EMC1: variants seen among roughly 807,000 people sequenced by gnomAD.
EMC1 encodes the protein KIAA0090.
A neutral mutation model predicts 128.8 loss-of-function variants in EMC1; 103 were observed. The observed-to-expected ratio is 0.80, with a 90% confidence interval of 0.68 to 0.94. The LOEUF (loss-of-function observed/expected upper bound fraction) is 0.94. Among genes scored for constraint, EMC1 ranks in the 40% least tolerant of loss-of-function variants. The probability of loss-of-function intolerance (pLI) is 0.00; values close to 1 mark genes in which losing one functional copy is unlikely to be tolerated. For missense variants in EMC1, 1,083 were observed against 1,250.6 expected, an observed-to-expected ratio of 0.87 and a Z score of 2.02; for synonymous variants, 442 against 490.4, an observed-to-expected ratio of 0.90 and a Z score of 1.30.
chr1:19,231,478 G>A, intron 15 of EMC1, 56 bp from the exon 16 acceptor site: 1 of 1,548,988 alleles, frequency 6.5e-7, no homozygotes, highest in East Asian at 2.3e-5. Flanking sequence ...AAATCCTAGG[G>A]ATAGACCTGA....
At chr1:19,235,858 A>G (rs997296123) in intron 12 of EMC1, among the ~76,000 whole-genome samples, 3 of 152,084 alleles carry the variant, frequency 2.0e-5, no homozygotes, top group Non-Finnish European at 2.9e-5. Context: ...ACGCCACTGT[A>G]CTCCAGACTG....
intron 2 of EMC1, chr1:19,244,556 C>A (rs143471979): frequency 6.3e-4 from 163 of 258,184 alleles, no homozygotes; most frequent in African/African-American, 3.3e-3. Context: ...GGAATCTAGG[C>A]ACACGCCACC....
In EMC1 at chr1:19,233,135, T is replaced by C. The variant is rs2093536839; in HGVS notation, c.1433A>G (p.Asp478Gly). ...ELEGEFGKKADGLLGMFLKRL... is the reference protein window; with the variant it reads ...ELEGEFGKKAGGLLGMFLKRL... Reference sequence around the variant, plus strand: ...TTTCAGGAACATCCCCAGCAAGCCATCTGGTGTAAAGGAAAAGTAACATAC... The same window carrying C: ...TTTCAGGAACATCCCCAGCAAGCCACCTGGTGTAAAGGAAAAGTAACATAC... Residue 478 changes from aspartate to glycine, a missense_variant and splice_region_variant, in exon 14 of 23, where the codon GAT becomes GGT. This residue lies in a region of EMC1 where 12 missense variants were observed against 34.2 expected (regional missense o/e 0.35). Coordinates refer to ENST00000477853, the MANE Select transcript of EMC1 (RefSeq NM_015047.3). 1 of 1,613,454 alleles carries C rather than the reference T, an allele frequency of 6.2e-7. No individual in the cohort carries two copies. Among genetic ancestry groups the C allele is most frequent in the Non-Finnish European group, 8.5e-7 (1 of 1,179,592 alleles).
intron 21 of EMC1, chr1:19,220,093 T>C (rs2093420001): frequency 9.9e-6 from 2 of 201,490 alleles, no homozygotes; most frequent in South Asian, 9.8e-5. Flanking sequence ...TCCTGTGTCT[T>C]TTCCTAGCTT....
At position 19,243,647 on chromosome 1, in the gene EMC1, C is replaced by A. The variant is rs756243435; in HGVS notation, c.347G>T (p.Gly116Val). 8.1e-6 allele frequency: 13 copies of A among 1,614,014 alleles called. No homozygotes were observed. The highest frequency in any genetic ancestry group is 1.7e-5 in the Admixed American group (1 of 60,000). The change falls in exon 4 of 23, where the codon GGC becomes GTC. Residue 116 changes from glycine to valine, a missense_variant. Physicochemically the swap from Gly to Val is moderately radical, Grantham distance 109. Around this residue, in one of 3 missense-constraint regions of EMC1, gnomAD observed 544 missense variants for 572.4 expected, o/e 0.95. Transcript: ENST00000477853. The stretch of plus-strand genomic sequence containing the variant: ...GTCCAGGGTTATCTCCCAGTTCAGG[C>A]CCCCGATGTTAGTCTCCCAGGAACG... ...IMRSWETNIG[G>V]LNWEITLDSG...
At chr1:19,248,084 T>A (rs1414529947) in intron 1 of EMC1, among the ~76,000 whole-genome samples, 1 of 151,358 alleles carries the variant, frequency 6.6e-6, no homozygotes, top group Non-Finnish European at 1.5e-5. Flanking sequence ...GCTCCATGGG[T>A]GTTACTGCTC....
In EMC1 at chr1:19,219,095, G is replaced by A; in HGVS notation, c.*208C>T. On this transcript the variant is annotated 3_prime_UTR_variant, in exon 23 of 23. Transcript: ENST00000477853. ...AGGAATCTCTGAGAGTGTCAGCTGA[G>A]AGAGTTCTGTCTCTCTCCATGTAGG... is the stretch of plus-strand genomic sequence containing the variant. 3 of 540,082 alleles carry A rather than the reference G, an allele frequency of 5.6e-6. No homozygotes were observed. Among genetic ancestry groups the A allele is most frequent in the Non-Finnish European group, 9.9e-6 (3 of 302,144 alleles). 33.5% of individuals were successfully genotyped at this position (540,082 alleles called of 1,614,324 possible).
chr1:19,228,881 G>A (rs1275665433), intron 17 of EMC1, among the ~76,000 whole-genome samples: 3 of 151,936 alleles, frequency 2.0e-5, no homozygotes, highest in South Asian at 2.1e-4. Flanking sequence ...GTGAAACCCC[G>A]TCTCTACTGA....
intron 7 of EMC1, 53 bp from the exon 8 acceptor site, chr1:19,240,038 C>CA: frequency 6.5e-7 from 1 of 1,535,728 alleles, no homozygotes; most frequent in Non-Finnish European, 8.8e-7. Context: ...ACTCCCTGAC[C>CA]CATCCCAGGC....
At chr1:19,237,976 G>C (rs1352653117) in intron 11 of EMC1, 41 bp downstream of exon 11, 1 of 1,604,574 alleles carries the variant, frequency 6.2e-7, no homozygotes, top group Non-Finnish European at 8.5e-7. Context: ...CATGTGCTGA[G>C]AAGCCCACAG....
At chr1:19,227,609 G>A (rs562277430) in intron 17 of EMC1, among the ~76,000 whole-genome samples, 159 bp from the exon 18 acceptor site, 110 of 152,356 alleles carry the variant, frequency 7.2e-4, no homozygotes, top group African/African-American at 2.5e-3. Flanking sequence ...GCTCATTCTT[G>A]TAATCCCAGC....
intron 1 of EMC1, among the ~76,000 whole-genome samples, chr1:19,246,507 G>A (rs943372714): frequency 1.3e-5 from 2 of 152,112 alleles, no homozygotes; most frequent in Non-Finnish European, 2.9e-5. Context: ...TCTCCACCAG[G>A]CACGGTGGCT....
intron 21 of EMC1, chr1:19,220,076 A>G (rs568422206): frequency 9.5e-5 from 20 of 209,588 alleles, no homozygotes; most frequent in Admixed American, 7.3e-4. Context: ...CTGAAACCTG[A>G]TTATCATCCT....
intron 1 of EMC1, among the ~76,000 whole-genome samples, chr1:19,245,396 G>A (rs1376457046): frequency 1.3e-5 from 2 of 151,962 alleles, no homozygotes; most frequent in African/African-American, 2.4e-5. Flanking sequence ...AGCTGAGATC[G>A]CACCATTGCA....
intron 13 of EMC1, 58 bp downstream of exon 13, chr1:19,235,072 G>A (rs891284577): frequency 1.1e-5 from 17 of 1,586,804 alleles, no homozygotes; most frequent in Non-Finnish European, 1.5e-5. Flanking sequence ...GTCTCTTGTG[G>A]TCATTTCCAG....
Position 19,240,459 on chromosome 1 carries a change from C to T in EMC1, c.637-13G>A, listed in dbSNP as rs1310234507. 2 of 1,613,550 alleles carry T rather than the reference C, an allele frequency of 1.2e-6. No homozygotes were observed. Among genetic ancestry groups the T allele is most frequent in the Non-Finnish European group, 1.7e-6 (2 of 1,179,810 alleles). ...TTGAAACCCTAACCTACAGAAAAGT[C>T]ATCGTTAACAGGAAGCTCGTGAAAG... On this transcript the variant is annotated splice_polypyrimidine_tract_variant and intron_variant, in intron 6 of 22. Transcript: ENST00000477853.
In EMC1 at chr1:19,235,218, G is replaced by A; in HGVS notation, c.1344C>T (p.Ser448=). ...GKVVLWSREE[S]LAEVVCLEMV... ...TCTCTAGGCACACCACTTCTGCCAG[G>A]GACTCCTCACGGCTCCACAGCACCA... Residue 448 remains serine, a synonymous_variant, in exon 13 of 23, where the codon TCC becomes TCT. Coordinates refer to ENST00000477853, the MANE Select transcript of EMC1 (RefSeq NM_015047.3). 6.2e-7 allele frequency: 1 copy of A among 1,613,410 alleles called. No homozygotes were observed. The highest frequency in any genetic ancestry group is 8.5e-7 in the Non-Finnish European group (1 of 1,179,656).
chr1:19,224,314 C>G (rs946016601), intron 18 of EMC1, among the ~76,000 whole-genome samples: 66 of 152,152 alleles, frequency 4.3e-4, no homozygotes, highest in African/African-American at 1.5e-3. Context: ...ACCAGATACT[C>G]CTTTGAACTC....
rs925010720 is a variant in EMC1 at position 19,216,567 on chromosome 1, T to A, written c.*2736A>T. 1 of 152,174 alleles carries A rather than the reference T, an allele frequency of 6.6e-6. No homozygotes were observed. Among genetic ancestry groups the A allele is most frequent in the Non-Finnish European group, 1.5e-5 (1 of 68,036 alleles). The allele number at this position is 152,174 out of a possible 1,614,324, so 9.4% of individuals were successfully genotyped here. A position where few individuals can be genotyped will look rare whatever the true frequency, so the allele number is the denominator to read the frequency against. On this transcript the variant is annotated 3_prime_UTR_variant, in exon 23 of 23. Transcript: ENST00000477853. ...TAAATAAAAAACTTTAAAAGATCCA[T>A]TAGTTGAAAAAACAAGTAACAGAAT...
Sources: gnomAD v4.1 joint callset for allele counts (sites outside exome capture counted in the v4.1 genomes callset) on GRCh38, gnomAD v4.1.1 for gene constraint, gnomAD v4.1.1 regional missense constraint, MANE v1.5 for transcripts, NCBI Gene and HGNC (gene_info 2026-07-23, HGNC 2026-07-21) for gene names.